Variants in ATP11B observed in about 807,000 individuals in gnomAD.
ATP11B encodes the protein ATPase phospholipid transporting 11B (putative), also known as phospholipid-transporting ATPase IF.
A neutral mutation model predicts 157.8 loss-of-function variants in ATP11B; 81 were observed. The observed-to-expected ratio is 0.51, with a 90% CI of 0.43 to 0.62. ATP11B has a LOEUF of 0.62. Among genes scored for constraint, ATP11B ranks in the 20% least tolerant of loss-of-function variants. The probability of loss-of-function intolerance (pLI) is 0.00; values close to 1 mark genes in which losing one functional copy is unlikely to be tolerated. For synonymous variants in ATP11B, 451 were observed against 469.4 expected (o/e 0.96, Z 0.51); for missense variants, 1,165 against 1,402.2 (o/e 0.83, Z 2.70).
intron 28 of ATP11B, among the ~76,000 whole-genome samples, chr3:182,905,518 C>G (rs1047082575): frequency 6.6e-6 from 1 of 152,122 alleles, no homozygotes; most frequent in African/African-American, 2.4e-5. Context: ...ATAGAAGAAA[C>G]TGAATTTTAT....
intron 12 of ATP11B, among the ~76,000 whole-genome samples, chr3:182,865,185 A>C (rs752589001): frequency 2.6e-5 from 4 of 152,188 alleles, no homozygotes; most frequent in African/African-American, 7.2e-5. Context: ...ATTAATACCA[A>C]ATTCTCGTCA....
rs1723945138 is a variant in ATP11B at position 182,901,301 on chromosome 3, T to C, written c.3318+2529T>C. ...TCGCTTGAATCTGGGGGGCAGAGGT[T>C]GCAGTCCACCCTAGGCGACAAAGTG... On this transcript the variant is annotated intron_variant, in intron 28 of 29. Coordinates refer to ENST00000323116, the MANE Select transcript of ATP11B (RefSeq NM_014616.3). 2.8e-5 allele frequency among the ~76,000 whole-genome samples: 4 copies of C among 145,362 alleles called. No homozygotes were observed. In the South Asian group the frequency reaches 8.7e-4, roughly 31 times the overall value.
chr3:182,818,463 G>A (rs970027809), intron 1 of ATP11B, among the ~76,000 whole-genome samples: 2 of 152,186 alleles, frequency 1.3e-5, no homozygotes, highest in African/African-American at 4.8e-5. Context: ...TCTACAAAGT[G>A]TGTTCATCAC....
intron 28 of ATP11B, among the ~76,000 whole-genome samples, chr3:182,911,966 G>C (rs1724826212): frequency 6.6e-6 from 1 of 152,152 alleles, no homozygotes; most frequent in Non-Finnish European, 1.5e-5. Flanking sequence ...CACAGGCAGG[G>C]AACATTGGTT....
intron 28 of ATP11B, among the ~76,000 whole-genome samples, chr3:182,911,278 C>A (rs959890671): frequency 8.0e-6 from 1 of 124,682 alleles, no homozygotes; most frequent in Non-Finnish European, 1.6e-5. Context: ...AATGCCCCCC[C>A]CCGCTAAGTC....
At chr3:182,820,668 C>CA (rs572679394) in intron 2 of ATP11B, among the ~76,000 whole-genome samples, 30 of 143,174 alleles carry the variant, frequency 2.1e-4, no homozygotes, top group African/African-American at 3.1e-4. Context: ...GACCATGTCT[C>CA]AAAAAAAAAA....
intron 10 of ATP11B, among the ~76,000 whole-genome samples, chr3:182,849,315 G>A (rs1185735657): frequency 6.6e-6 from 1 of 152,116 alleles, no homozygotes; most frequent in African/African-American, 2.4e-5. Context: ...AATAAAAATA[G>A]CACTCTTCTG....
intron 22 of ATP11B, among the ~76,000 whole-genome samples, chr3:182,885,288 A>G (rs1209299445): frequency 6.6e-6 from 1 of 152,162 alleles, no homozygotes; most frequent in Non-Finnish European, 1.5e-5. Context: ...TAGGGTTACA[A>G]AGAAACAAAT....
chr3:182,905,973 G>C (rs560158080), intron 28 of ATP11B: 1 of 424,198 alleles, frequency 2.4e-6, no homozygotes, highest in Non-Finnish European at 4.8e-6. Context: ...CTCATGCTTG[G>C]GGGGCATGTC....
At chr3:182,797,202 TTTTC>T (rs1322092463) in intron 1 of ATP11B, among the ~76,000 whole-genome samples, 2 of 152,224 alleles carry the variant, frequency 1.3e-5, no homozygotes, top group Admixed American at 1.3e-4. Flanking sequence ...AGTATGTTTC[TTTTC>T]TTTCTCTTTA....
intron 15 of ATP11B, 116 bp from the exon 16 acceptor site, chr3:182,868,962 T>C (rs1721444526): frequency 1.6e-6 from 1 of 622,580 alleles, no homozygotes; most frequent in East Asian, 2.9e-5. Flanking sequence ...GAAAATGGTA[T>C]TAATTCTTGT....
chr3:182,915,042 T>A (rs1725050394), intron 29 of ATP11B: 2 of 985,136 alleles, frequency 2.0e-6, no homozygotes, highest in South Asian at 9.4e-5. Context: ...TTATAAAGAG[T>A]GAAGAAGGCA....
At chr3:182,905,625 C>T (rs1183675434) in intron 28 of ATP11B, among the ~76,000 whole-genome samples, 1 of 152,192 alleles carries the variant, frequency 6.6e-6, no homozygotes, top group African/African-American at 2.4e-5. Context: ...TTGTGTTCCC[C>T]TTAAGAAGTT....
At chr3:182,824,757 A>T (rs986560355) in intron 2 of ATP11B, among the ~76,000 whole-genome samples, 5 of 152,218 alleles carry the variant, frequency 3.3e-5, no homozygotes, top group Admixed American at 2.0e-4. Context: ...TCTCATTACT[A>T]CCTATTACGC....
intron 12 of ATP11B, among the ~76,000 whole-genome samples, chr3:182,861,156 C>T (rs1453391313): frequency 1.3e-5 from 2 of 151,138 alleles, no homozygotes; most frequent in African/African-American, 2.4e-5. Context: ...ACCTCCGCCT[C>T]CTGGGTTCAA....
chr3:182,867,574 C>T, intron 15 of ATP11B, 130 bp downstream of exon 15: 1 of 261,886 alleles, frequency 3.8e-6, no homozygotes, highest in Non-Finnish European at 7.0e-6. Context: ...CCACAAGTCA[C>T]ATTACTTTTT....
intron 28 of ATP11B, among the ~76,000 whole-genome samples, chr3:182,905,635 T>A (rs1292400373): frequency 6.6e-6 from 1 of 152,216 alleles, no homozygotes; most frequent in Non-Finnish European, 1.5e-5. Context: ...CTTAAGAAGT[T>A]CCCATTAGCC....
intron 12 of ATP11B, among the ~76,000 whole-genome samples, chr3:182,861,064 A>C (rs1302287869): frequency 9.9e-6 from 1 of 100,660 alleles, no homozygotes; most frequent in African/African-American, 3.9e-5. Flanking sequence ...AAACAATAAT[A>C]CTTTTTTTTT....
chr3:182,895,298 C>T (rs563884777), intron 25 of ATP11B, among the ~76,000 whole-genome samples: 2 of 151,942 alleles, frequency 1.3e-5, no homozygotes, highest in African/African-American at 2.4e-5. Flanking sequence ...TTTTGATTCT[C>T]CTCTTGACAA....
Sources: gnomAD v4.1 joint callset for allele counts (sites outside exome capture counted in the v4.1 genomes callset) on GRCh38, gnomAD v4.1.1 for gene constraint, MANE v1.5 for transcripts, NCBI Gene and HGNC (gene_info 2026-07-23, HGNC 2026-07-21) for gene names.